Variants in CBFA2T3 observed in about 807,000 individuals in gnomAD.
CBFA2T3 encodes the protein CBFA2/RUNX1 partner transcriptional co-repressor 3, also known as transcriptional corepressor CBFA2T3.
A neutral mutation model predicts 58.6 loss-of-function variants in CBFA2T3; 31 were observed. The ratio of observed to expected loss-of-function variants is 0.53; its 90% CI spans 0.40 to 0.71. The LOEUF (loss-of-function observed/expected upper bound fraction) is 0.71, where lower values mean the gene tolerates loss of function less well. Among genes scored for constraint, CBFA2T3 ranks in the 30% least tolerant of loss-of-function variants. The pLI, the probability that CBFA2T3 is intolerant of heterozygous loss-of-function variation, is 0.00. For synonymous variants in CBFA2T3, 531 were observed against 421.9 expected (o/e 1.26, Z -3.17); for missense variants, 1,076 against 963.1 (o/e 1.12, Z -1.55).
chr16:88,934,199 C>T (rs145245943), intron 1 of CBFA2T3, among the ~76,000 whole-genome samples: 2,226 of 151,066 alleles, frequency 0.015, 24 homozygotes, highest in African/African-American at 0.036. Context: ...CGCCCCTCGG[C>T]ACACGGAGGC....
In CBFA2T3 at chr16:88,881,463, C is replaced by T. The variant is rs774382828; in HGVS notation, c.1230G>A (p.Val410=). The T allele has an allele frequency of 2.5e-5, 41 of 1,609,510 alleles. No individual in the cohort carries two copies. The highest frequency in any genetic ancestry group is 3.2e-5 in the Non-Finnish European group (38 of 1,178,108). Reference sequence around the variant, plus strand: ...CCGTGAGCGAGCGCCGCGTCTTCTCCACCATGTCCATGATGCAGTTCAGGA... The same window carrying T: ...CCGTGAGCGAGCGCCGCGTCTTCTCTACCATGTCCATGATGCAGTTCAGGA... ...NNLLNCIMDM[V]EKTRRSLTVL... Residue 410 remains valine (V), a synonymous_variant, in exon 9 of 12, where the codon GTG becomes GTA. Coordinates refer to ENST00000268679, the MANE Select transcript of CBFA2T3 (RefSeq NM_005187.6).
intron 1 of CBFA2T3, among the ~76,000 whole-genome samples, chr16:88,918,390 C>T (rs931572676): frequency 6.6e-6 from 1 of 152,164 alleles, no homozygotes; most frequent in Non-Finnish European, 1.5e-5. Context: ...CCTGCCTTCG[C>T]AGTGTGGGCT....
At position 88,959,558 on chromosome 16, in the gene CBFA2T3, A is replaced by C. The variant is rs141626610; in HGVS notation, c.151+17099T>G. Among the ~76,000 whole-genome samples the C allele has an allele frequency of 2.9e-3, 436 of 152,280 alleles. 4 individuals carry two copies. Among genetic ancestry groups the C allele is most frequent in the East Asian group, 0.022 (116 of 5,176 alleles). ...CACCTGTAAAAGCCAGGCGCAGTAG[A>C]GAATGTTCTAGAAATAAATGTGATG... On this transcript the variant is annotated intron_variant, in intron 1 of 11. Coordinates refer to ENST00000268679, the MANE Select transcript of CBFA2T3 (RefSeq NM_005187.6).
At chr16:88,881,546 C>T in intron 8 of CBFA2T3, 57 bp from the exon 9 acceptor site, 2 of 1,531,852 alleles carry the variant, frequency 1.3e-6, no homozygotes, top group South Asian at 2.3e-5. Context: ...GCACCAGACA[C>T]TCCCCCAGCC....
chr16:88,904,614 T>C (rs776610123), intron 1 of CBFA2T3, among the ~76,000 whole-genome samples: 4 of 152,338 alleles, frequency 2.6e-5, no homozygotes, highest in Non-Finnish European at 5.9e-5. Context: ...GCCCCGTGCC[T>C]GAGGAACACC....
chr16:88,884,674 G>T (rs890597815), intron 7 of CBFA2T3: 7 of 203,304 alleles, frequency 3.4e-5, no homozygotes, highest in Non-Finnish European at 7.0e-5. Flanking sequence ...AACTCCCCCA[G>T]GCCTTGGACT....
chr16:88,912,020 C>T (rs1243680565), intron 1 of CBFA2T3, among the ~76,000 whole-genome samples: 2 of 152,248 alleles, frequency 1.3e-5, no homozygotes, highest in East Asian at 1.9e-4. Flanking sequence ...GCAGAGGTCC[C>T]GTCTGTCACA....
rs375082391 is a variant in CBFA2T3, at chr16:88,892,501, G to C, written c.380-16C>G. The C allele has an allele frequency of 3.1e-6, 5 of 1,609,684 alleles. No homozygotes were observed. In the African/African-American group the frequency reaches 6.7e-5, roughly 21 times the overall value. Reference sequence around the variant, plus strand: ...CCGTTCATCACTGCAGGAGGGAAGCGGACATGAGGACACAAAGGTGATGGT... The same window carrying C: ...CCGTTCATCACTGCAGGAGGGAAGCCGACATGAGGACACAAAGGTGATGGT... On this transcript the variant is annotated splice_polypyrimidine_tract_variant and intron_variant, in intron 3 of 11. Coordinates refer to ENST00000268679, the MANE Select transcript of CBFA2T3 (RefSeq NM_005187.6).
At chr16:88,882,446 T>G (rs934325552) in intron 8 of CBFA2T3, among the ~76,000 whole-genome samples, 2 of 149,330 alleles carry the variant, frequency 1.3e-5, no homozygotes, top group African/African-American at 4.9e-5. Context: ...TGTGGCTGTG[T>G]GCGTGGGCGT....
At chr16:88,952,824 C>T (rs1343410762) in intron 1 of CBFA2T3, among the ~76,000 whole-genome samples, 2 of 152,106 alleles carry the variant, frequency 1.3e-5, no homozygotes, top group Non-Finnish European at 2.9e-5. Flanking sequence ...AAATACTTGG[C>T]GGACCCCCTG....
chr16:88,893,455 C>G (rs1214115629), intron 3 of CBFA2T3, among the ~76,000 whole-genome samples: 1 of 152,200 alleles, frequency 6.6e-6, no homozygotes, highest in African/African-American at 2.4e-5. Context: ...ACAGGTGACT[C>G]CCAGCCATGA....
chr16:88,923,494 G>A (rs1970987371), intron 1 of CBFA2T3, among the ~76,000 whole-genome samples: 1 of 152,240 alleles, frequency 6.6e-6, no homozygotes, highest in Non-Finnish European at 1.5e-5. Context: ...CAGAAGGGCT[G>A]TTTGTTTGGG....
intron 1 of CBFA2T3, chr16:88,950,497 G>T (rs757786691): frequency 2.4e-6 from 1 of 414,040 alleles, no homozygotes; most frequent in South Asian, 1.7e-5. Flanking sequence ...CGCCACAGAG[G>T]GTCAGGAGTG....
intron 3 of CBFA2T3, 63 bp downstream of exon 3, chr16:88,898,015 C>A: frequency 8.2e-7 from 1 of 1,226,374 alleles, no homozygotes. Flanking sequence ...CAGTGTTGGG[C>A]CAGCTGAGGA....
chr16:88,932,277 A>G (rs1370031885), intron 1 of CBFA2T3, among the ~76,000 whole-genome samples: 1 of 137,562 alleles, frequency 7.3e-6, no homozygotes, highest in Non-Finnish European at 1.5e-5. Context: ...CCCATCCCGG[A>G]AAACAGGCAG....
At chr16:88,941,699 G>C (rs1020466802) in intron 1 of CBFA2T3, 2 of 149,408 alleles carry the variant, frequency 1.3e-5, no homozygotes, top group African/African-American at 2.4e-5. Flanking sequence ...GCGCCGTGGA[G>C]GGGGCGCGGC....
chr16:88,951,918 T>G (rs942577701), intron 1 of CBFA2T3, among the ~76,000 whole-genome samples: 1 of 152,172 alleles, frequency 6.6e-6, no homozygotes, highest in African/African-American at 2.4e-5. Context: ...TATAGTTTGG[T>G]GCTTGAGCCA....
intron 1 of CBFA2T3, among the ~76,000 whole-genome samples, chr16:88,932,514 G>A (rs983455958): frequency 6.6e-6 from 1 of 151,954 alleles, no homozygotes. Flanking sequence ...GGGCATAGTG[G>A]TGAACACCCA....
intron 2 of CBFA2T3, among the ~76,000 whole-genome samples, chr16:88,899,993 C>T (rs1970038009): frequency 6.6e-6 from 1 of 152,226 alleles, no homozygotes; most frequent in Non-Finnish European, 1.5e-5. Flanking sequence ...GTGATCCCAG[C>T]CCGGCCACAT....
Sources: gnomAD v4.1 joint callset for allele counts (sites outside exome capture counted in the v4.1 genomes callset) on GRCh38, gnomAD v4.1.1 for gene constraint, MANE v1.5 for transcripts, NCBI Gene and HGNC (gene_info 2026-07-23, HGNC 2026-07-21) for gene names.